FRAS1: variants seen among roughly 807,000 people sequenced by gnomAD.
FRAS1 encodes the protein Fraser extracellular matrix complex subunit 1.
In FRAS1, 290 loss-of-function variants were observed where a neutral mutation model predicts 435.2. That is an observed-to-expected ratio of 0.67 (90% CI 0.61 to 0.73). FRAS1 has a LOEUF of 0.73. FRAS1 is among the 30% of genes least tolerant of loss of function. FRAS1 has a pLI of 0.00. For missense variants in FRAS1, 4,860 were observed against 5,001.5 expected (o/e 0.97, Z 0.85); for synonymous variants, 1,800 against 1,851.0 (o/e 0.97, Z 0.71).
intron 2 of FRAS1, among the ~76,000 whole-genome samples, chr4:78,167,445 A>G (rs1721377661): frequency 6.6e-6 from 1 of 152,058 alleles, no homozygotes; most frequent in African/African-American, 2.4e-5. Context: ...TTTCTGTAAC[A>G]GTGCAGAGGT....
At chr4:78,282,096 C>G (rs1318517692) in intron 11 of FRAS1, among the ~76,000 whole-genome samples, 1 of 152,196 alleles carries the variant, frequency 6.6e-6, no homozygotes, top group Non-Finnish European at 1.5e-5. Flanking sequence ...AAAATTGTTA[C>G]TTTAAAATCT....
chr4:78,430,386 T>TA lies in FRAS1; in HGVS notation c.4939dup (p.Thr1647AsnfsTer3). 1 of 1,613,676 alleles carries TA rather than the reference T, an allele frequency of 6.2e-7. No individual in the cohort carries two copies. The highest frequency in any genetic ancestry group is 8.5e-7 in the Non-Finnish European group (1 of 1,179,748). On this transcript the variant is annotated frameshift_variant, in exon 37 of 74. Transcript: ENST00000512123. LOFTEE classifies it high-confidence loss of function. ...CACAGCATGGTGTGCTTCTTAAGCA[T>TA]ACAGCTGAGTTCCGAAGGCCGATGG... is the stretch of plus-strand genomic sequence containing the variant.
intron 30 of FRAS1, 66 bp downstream of exon 30, chr4:78,400,953 T>C (rs1218136385): frequency 1.4e-6 from 2 of 1,460,124 alleles, no homozygotes; most frequent in South Asian, 2.6e-5. Flanking sequence ...TGCTACTGTA[T>C]AGTGCCATGT....
chr4:78,143,742 T>A (rs4859518), intron 2 of FRAS1, among the ~76,000 whole-genome samples: 105,274 of 134,106 alleles, frequency 0.79, 38,379 homozygotes, highest in East Asian at 0.94. Context: ...CTAAAAATAA[T>A]AAAAAAAAAA....
intron 2 of FRAS1, among the ~76,000 whole-genome samples, chr4:78,209,846 T>G (rs1476451957): frequency 6.6e-6 from 1 of 152,220 alleles, no homozygotes; most frequent in East Asian, 1.9e-4. Flanking sequence ...GCTAATTTCA[T>G]TCACCTTCTT....
At chr4:78,253,652 A>G (rs533224927) in intron 5 of FRAS1, among the ~76,000 whole-genome samples, 1 of 152,252 alleles carries the variant, frequency 6.6e-6, no homozygotes, top group East Asian at 1.9e-4. Flanking sequence ...TATTGGAATC[A>G]AGTGCAACAC....
chr4:78,309,208 C>T (rs989127547), intron 15 of FRAS1, among the ~76,000 whole-genome samples: 1 of 152,162 alleles, frequency 6.6e-6, no homozygotes, highest in Non-Finnish European at 1.5e-5. Flanking sequence ...AGCGTCCAGG[C>T]AAGGAACAGA....
At chr4:78,231,139 T>C (rs1334246131) in intron 2 of FRAS1, among the ~76,000 whole-genome samples, 8 of 151,862 alleles carry the variant, frequency 5.3e-5, no homozygotes, top group Non-Finnish European at 2.9e-5. Flanking sequence ...CTATTTTTAG[T>C]AGCGATGGGG....
chr4:78,426,359 C>T (rs1220647391), intron 35 of FRAS1, among the ~76,000 whole-genome samples: 2 of 152,052 alleles, frequency 1.3e-5, no homozygotes, highest in Admixed American at 6.6e-5. Context: ...ATTATACAGT[C>T]CCATGGGCCT....
chr4:78,399,959 G>A (rs992713289), intron 29 of FRAS1, among the ~76,000 whole-genome samples: 2 of 152,132 alleles, frequency 1.3e-5, no homozygotes, highest in Non-Finnish European at 2.9e-5. Flanking sequence ...GAGACTTTTA[G>A]CATAGCTTCT....
intron 2 of FRAS1, among the ~76,000 whole-genome samples, chr4:78,198,977 TA>T (rs1196521550): frequency 1.3e-5 from 2 of 152,164 alleles, no homozygotes; most frequent in African/African-American, 4.8e-5. Flanking sequence ...AGTAGGCAAT[TA>T]GTAGTTATAG....
intron 2 of FRAS1, among the ~76,000 whole-genome samples, chr4:78,150,978 A>T (rs6813384): frequency 1.1e-3 from 160 of 152,204 alleles, no homozygotes; most frequent in African/African-American, 3.6e-3. Context: ...CCAACCTTAT[A>T]ATATTTATTA....
intron 18 of FRAS1, among the ~76,000 whole-genome samples, chr4:78,327,594 C>A (rs1729770887): frequency 1.3e-5 from 2 of 152,200 alleles, no homozygotes; most frequent in Admixed American, 6.5e-5. Flanking sequence ...AGTGCTTAAG[C>A]AGCTCACTTA....
At chr4:78,381,682 C>T (rs937152779) in intron 27 of FRAS1, among the ~76,000 whole-genome samples, 9 of 150,748 alleles carry the variant, frequency 6.0e-5, no homozygotes, top group Non-Finnish European at 1.2e-4. Flanking sequence ...TTATGAAAAG[C>T]GTAAAGCTTC....
At chr4:78,337,996 T>C in intron 20 of FRAS1, 179 bp downstream of exon 20, 1 of 595,798 alleles carries the variant, frequency 1.7e-6, no homozygotes, top group South Asian at 2.0e-5. Context: ...TACTTGTGGA[T>C]TTAAATAGAA....
chr4:78,309,029 A>C (rs1440315472), intron 15 of FRAS1, among the ~76,000 whole-genome samples: 1 of 152,192 alleles, frequency 6.6e-6, no homozygotes, highest in Non-Finnish European at 1.5e-5. Flanking sequence ...GCCCCATGCA[A>C]TCAATCACAA....
intron 2 of FRAS1, among the ~76,000 whole-genome samples, chr4:78,163,476 T>G (rs1419115939): frequency 6.6e-6 from 1 of 152,216 alleles, no homozygotes; most frequent in African/African-American, 2.4e-5. Context: ...TGGGTAATAT[T>G]TAAAATGGTT....
At chr4:78,275,467 C>T (rs1158540572) in intron 9 of FRAS1, among the ~76,000 whole-genome samples, 1 of 152,100 alleles carries the variant, frequency 6.6e-6, no homozygotes, top group Non-Finnish European at 1.5e-5. Flanking sequence ...TGTTCCTTTC[C>T]ATGTTTAGTG....
chr4:78,123,541 G>A (rs371766901), intron 2 of FRAS1, among the ~76,000 whole-genome samples: 6 of 152,264 alleles, frequency 3.9e-5, no homozygotes, highest in East Asian at 3.9e-4. Context: ...GATGGGAATA[G>A]CATTGAATAC....
Sources: allele counts gnomAD v4.1 joint callset (sites outside exome capture counted in the v4.1 genomes callset), GRCh38; gene constraint gnomAD v4.1.1; transcripts MANE v1.5; gene names NCBI Gene and HGNC (gene_info 2026-07-23, HGNC 2026-07-21).